CCDC146: variants seen among roughly 807,000 people sequenced by gnomAD.
CCDC146 encodes the protein coiled-coil domain containing 146.
In CCDC146, 92 loss-of-function variants were observed where a neutral mutation model predicts 119.3. The observed-to-expected ratio is 0.77, with a 90% confidence interval of 0.65 to 0.92. The LOEUF (loss-of-function observed/expected upper bound fraction) is 0.92. CCDC146 is among the 40% of genes least tolerant of loss of function. The pLI is 0.00. For missense variants in CCDC146, 1,000 were observed against 1,103.0 expected, an observed-to-expected ratio of 0.91 and a Z score of 1.32; for synonymous variants, 372 against 371.8, an observed-to-expected ratio of 1.00 and a Z score of -0.01.
chr7:77,275,904 C>T (rs1338470711), intron 11 of CCDC146, among the ~76,000 whole-genome samples: 1 of 152,040 alleles, frequency 6.6e-6, no homozygotes, highest in Non-Finnish European at 1.5e-5. Flanking sequence ...TTACATATTA[C>T]TAAAATAGAA....
intron 17 of CCDC146, among the ~76,000 whole-genome samples, chr7:77,291,509 T>C (rs1459126399): frequency 6.6e-6 from 1 of 151,490 alleles, no homozygotes; most frequent in Non-Finnish European, 1.5e-5. Flanking sequence ...GTTCAAGACC[T>C]GCCTAGGCAA....
chr7:77,184,258 C>T (rs565208514), intron 2 of CCDC146, among the ~76,000 whole-genome samples: 3 of 152,194 alleles, frequency 2.0e-5, no homozygotes, highest in Admixed American at 6.6e-5. Flanking sequence ...TTTCCAACCC[C>T]GCTTCCTTCA....
chr7:77,226,259 T>A (rs1423315488), intron 2 of CCDC146, among the ~76,000 whole-genome samples: 3 of 152,202 alleles, frequency 2.0e-5, no homozygotes, highest in Non-Finnish European at 4.4e-5. Context: ...ACTTATGCTT[T>A]CACATTTATA....
At chr7:77,218,854 G>C (rs1792347864) in intron 2 of CCDC146, among the ~76,000 whole-genome samples, 1 of 151,874 alleles carries the variant, frequency 6.6e-6, no homozygotes, top group Non-Finnish European at 1.5e-5. Context: ...TTATAGACAT[G>C]AGCCACCATG....
chr7:77,229,257 C>T (rs1270957802), intron 2 of CCDC146, among the ~76,000 whole-genome samples: 1 of 152,120 alleles, frequency 6.6e-6, no homozygotes, highest in Non-Finnish European at 1.5e-5. Context: ...AAAAATTTTT[C>T]CCATCCTGTA....
intron 15 of CCDC146, among the ~76,000 whole-genome samples, chr7:77,284,718 A>T (rs962277277): frequency 2.0e-5 from 3 of 151,786 alleles, no homozygotes; most frequent in African/African-American, 4.8e-5. Context: ...AGGAAATATT[A>T]TGCATTTCAT....
intron 2 of CCDC146, chr7:77,195,135 T>C (rs1012259908): frequency 6.6e-6 from 1 of 152,080 alleles, no homozygotes; most frequent in Non-Finnish European, 1.5e-5. Flanking sequence ...AGCCTGTAAG[T>C]AAATGCTTCA....
Position 77,224,909 on chromosome 7 carries a change from T to G in CCDC146, c.157-12038T>G, listed in dbSNP as rs573758383. Among the ~76,000 whole-genome samples, 191 of 152,284 alleles carry G rather than the reference T, an allele frequency of 1.3e-3. 1 individual carries two copies. The highest frequency in any genetic ancestry group is 5.6e-3 in the South Asian group (27 of 4,824). On this transcript the variant is annotated intron_variant, in intron 2 of 18. Transcript: ENST00000285871. ...TACTGGCAGTCTGGTTACTACAGGT[T>G]GCTGAGTGATGAAAGGGGAGGGAAT...
rs541207539 is a variant in CCDC146, at chr7:77,295,095, T to C, written c.*229T>C. On this transcript the variant is annotated 3_prime_UTR_variant, in exon 19 of 19. Transcript: ENST00000285871. ...CCTACATTTATGTCAAAGTATATAT[T>C]TGAATCGCTTATATTTTCTTTTTCA... 2.1e-6 allele frequency: 1 copy of C among 480,260 alleles called. No individual in the cohort carries two copies. The highest frequency in any genetic ancestry group is 3.0e-5 in the South Asian group (1 of 33,484). 29.7% of individuals were successfully genotyped at this position (480,260 alleles called of 1,614,324 possible). A position where few individuals can be genotyped will look rare whatever the true frequency, so the allele number is the denominator to read the frequency against.
At chr7:77,237,553 A>G (rs996568162) in intron 3 of CCDC146, among the ~76,000 whole-genome samples, 1 of 152,196 alleles carries the variant, frequency 6.6e-6, no homozygotes, top group Non-Finnish European at 1.5e-5. Flanking sequence ...GGACACTGAC[A>G]GTCTCTGCAT....
chr7:77,149,388 C>T (rs1206374295), intron 1 of CCDC146, among the ~76,000 whole-genome samples: 2 of 152,102 alleles, frequency 1.3e-5, no homozygotes, highest in Admixed American at 6.6e-5. Flanking sequence ...GCTAGCTTCT[C>T]AATTTGGAAA....
intron 1 of CCDC146, among the ~76,000 whole-genome samples, chr7:77,146,297 C>A (rs1384165535): frequency 2.0e-5 from 3 of 152,002 alleles, no homozygotes; most frequent in African/African-American, 7.3e-5. Context: ...TTATTTTGAG[C>A]CTATGTGTGT....
chr7:77,183,290 T>C (rs1260539861), intron 2 of CCDC146, among the ~76,000 whole-genome samples: 2 of 151,972 alleles, frequency 1.3e-5, no homozygotes, highest in Non-Finnish European at 2.9e-5. Context: ...TCTGCAGAGT[T>C]TTTTCCACTT....
intron 1 of CCDC146, among the ~76,000 whole-genome samples, chr7:77,128,337 A>G (rs1044696980): frequency 1.3e-4 from 19 of 151,902 alleles, no homozygotes; most frequent in African/African-American, 4.4e-4. Flanking sequence ...ACCAATTTCC[A>G]TGGTCATGGG....
At chr7:77,266,462 G>C (rs1045278032) in intron 9 of CCDC146, among the ~76,000 whole-genome samples, 1 of 152,116 alleles carries the variant, frequency 6.6e-6, no homozygotes. Flanking sequence ...CCAAACCTTT[G>C]AATTGGGATT....
chr7:77,227,026 TG>T (rs1792527998), intron 2 of CCDC146, among the ~76,000 whole-genome samples: 1 of 152,228 alleles, frequency 6.6e-6, no homozygotes, highest in East Asian at 1.9e-4. Context: ...AAGAGAGATT[TG>T]TTTTTTTAGA....
chr7:77,126,304 T>C (rs1481478648), intron 1 of CCDC146, among the ~76,000 whole-genome samples: 2 of 152,120 alleles, frequency 1.3e-5, no homozygotes, highest in Non-Finnish European at 1.5e-5. Context: ...TTTCATCATG[T>C]TATTGTCAGG....
intron 1 of CCDC146, among the ~76,000 whole-genome samples, chr7:77,154,908 G>T (rs1260135122): frequency 1.3e-5 from 2 of 151,792 alleles, no homozygotes; most frequent in African/African-American, 4.8e-5. Context: ...CTTTTCTAAC[G>T]TGCACATTTT....
chr7:77,154,219 T>C (rs1791147669), intron 1 of CCDC146, among the ~76,000 whole-genome samples: 1 of 152,140 alleles, frequency 6.6e-6, no homozygotes, highest in Non-Finnish European at 1.5e-5. Context: ...TATGTGGTAC[T>C]ATGGAAGAGG....
Sources: allele counts gnomAD v4.1 joint callset (sites outside exome capture counted in the v4.1 genomes callset), GRCh38; gene constraint gnomAD v4.1.1; transcripts MANE v1.5; gene names NCBI Gene and HGNC (gene_info 2026-07-23, HGNC 2026-07-21).